Variants in MIDEAS observed in about 807,000 individuals in gnomAD.
MIDEAS encodes mitotic deacetylase-associated SANT domain protein.
Under a neutral mutation model 102.7 loss-of-function variants are expected in MIDEAS, and 26 were observed. The observed-to-expected ratio is 0.25, with a 90% CI of 0.19 to 0.35. MIDEAS has a LOEUF of 0.35. MIDEAS is among the 10% of genes least tolerant of loss of function. The pLI is 1.00. For synonymous variants in MIDEAS, 585 were observed against 591.0 expected (o/e 0.99, Z 0.15); for missense variants, 1,231 against 1,435.6 (o/e 0.86, Z 2.30).
chr14:73,745,404 C>G lies in MIDEAS; in HGVS notation c.-247-5149G>C, dbSNP rs115523790. 8.8e-4 allele frequency among the ~76,000 whole-genome samples: 134 copies of G among 152,324 alleles called. 1 individual carries two copies. Among genetic ancestry groups the G allele is most frequent in the African/African-American group, 3.0e-3 (126 of 41,580 alleles). ...CCCACCTAGACAGTGGCCAGGGACA[C>G]AAGCCTGTGGGTCTGTTTACCTCAT... On this transcript the variant is annotated intron_variant, in intron 1 of 12. Coordinates refer to ENST00000423556, the MANE Select transcript of MIDEAS (RefSeq NM_001367710.1).
chr14:73,722,074 C>G (rs187774644), intron 10 of MIDEAS, among the ~76,000 whole-genome samples: 166 of 152,320 alleles, frequency 1.1e-3, no homozygotes, highest in Non-Finnish European at 9.3e-4. Context: ...GCTAATGTGT[C>G]TTTTATACTT....
chr14:73,753,916 C>T (rs866778312), intron 1 of MIDEAS, among the ~76,000 whole-genome samples: 1 of 149,202 alleles, frequency 6.7e-6, no homozygotes, highest in Non-Finnish European at 1.5e-5. Context: ...GCTTCCAGGC[C>T]CAAAGGATGA....
chr14:73,747,194 C>T (rs2053363193), intron 1 of MIDEAS, among the ~76,000 whole-genome samples: 1 of 152,180 alleles, frequency 6.6e-6, no homozygotes, highest in Non-Finnish European at 1.5e-5. Context: ...CTTCAATTCC[C>T]TTCTGTTCCT....
intron 1 of MIDEAS, among the ~76,000 whole-genome samples, chr14:73,784,738 T>TTGTG (rs1200113223): frequency 6.6e-6 from 1 of 152,246 alleles, no homozygotes; most frequent in Non-Finnish European, 1.5e-5. Context: ...AAGAGGGTTG[T>TTGTG]GCAACCTGTG....
In MIDEAS at chr14:73,739,354, G is replaced by A; in HGVS notation, c.655C>T (p.Leu219=). The A allele has an allele frequency of 6.2e-7, 1 of 1,601,048 alleles. No homozygotes were observed. Among genetic ancestry groups the A allele is most frequent in the Non-Finnish European group, 8.5e-7 (1 of 1,172,236 alleles). Residue 219 remains leucine, a synonymous_variant, in exon 2 of 13, where the codon CTG becomes TTG. Coordinates refer to ENST00000423556, the MANE Select transcript of MIDEAS (RefSeq NM_001367710.1). ...NQSLPLQPFQ[L]AFGHQVNRQV... is the part of the protein sequence containing the mutation. ...CGGTTCACCTGGTGGCCGAATGCCA[G>A]CTGGAAGGGTTGCAGGGGCAGTGAC...
intron 1 of MIDEAS, among the ~76,000 whole-genome samples, chr14:73,774,036 A>G (rs1181598332): frequency 6.6e-6 from 1 of 151,352 alleles, no homozygotes; most frequent in Non-Finnish European, 1.5e-5. Flanking sequence ...AAAAAAAAAA[A>G]AAGAAAAAAG....
chr14:73,719,235 C>CCCCCCCGCCCCCCCCCCCCCCCCG, intron 12 of MIDEAS, 70 bp downstream of exon 12: 1 of 1,441,500 alleles, frequency 6.9e-7, no homozygotes. Flanking sequence ...CCCTCCCCTC[C>CCCCCCCGCCCCCCCCCCCCCCCCG]ACCCCACCCC....
chr14:73,731,585 C>A (rs1345698746), intron 3 of MIDEAS, among the ~76,000 whole-genome samples: 1 of 152,096 alleles, frequency 6.6e-6, no homozygotes, highest in Non-Finnish European at 1.5e-5. Context: ...GGGATTTAAA[C>A]TATTCTGAAT....
At chr14:73,756,305 CGT>C (rs1491561357) in intron 1 of MIDEAS, among the ~76,000 whole-genome samples, 3,450 of 99,164 alleles carry the variant, frequency 0.035, 131 homozygotes, top group African/African-American at 0.11. Flanking sequence ...TGCGCGCGCG[CGT>C]GCGCGCTGAG....
intron 10 of MIDEAS, 92 bp downstream of exon 10, chr14:73,722,606 G>T (rs1391809511): frequency 1.3e-6 from 2 of 1,482,910 alleles, no homozygotes; most frequent in South Asian, 1.3e-5. Context: ...CCCTCTGCAG[G>T]CTCCTGGAGA....
At chr14:73,730,539 A>G (rs972033473) in intron 3 of MIDEAS, among the ~76,000 whole-genome samples, 3 of 152,196 alleles carry the variant, frequency 2.0e-5, no homozygotes, top group African/African-American at 7.2e-5. Flanking sequence ...GAATTAATAC[A>G]AGGAAATCAC....
rs573309490 is a variant in MIDEAS, at chr14:73,774,187, C to A, written c.-248+12915G>T. ...CCACTATGAGGCACCATAAAGACAC[C>A]GCCTGCCAGGCTCCATTCACAGGAA... On this transcript the variant is annotated intron_variant, in intron 1 of 11. Coordinates refer to the MIDEAS transcript ENST00000394071. Among the ~76,000 whole-genome samples, 13 of 151,862 alleles carry A rather than the reference C, an allele frequency of 8.6e-5. 1 individual carries two copies. Among genetic ancestry groups the A allele is most frequent in the Admixed American group, 7.9e-4 (12 of 15,238 alleles).
chr14:73,722,993 C>G lies in MIDEAS; in HGVS notation c.2575-146G>C, dbSNP rs115585457. On this transcript the variant is annotated intron_variant, in intron 9 of 12. Coordinates refer to ENST00000423556, the MANE Select transcript of MIDEAS (RefSeq NM_001367710.1). ...AACCCAGGCAATACAAGCATTTTTC[C>G]AATGCCTGCTCTGCAACAAACCACT... is the stretch of plus-strand genomic sequence containing the variant. The G allele has an allele frequency of 1.5e-3, 1,199 of 794,486 alleles. 9 individuals carry two copies. The African/African-American group carries it at 0.019, about 13-fold the overall frequency. 49.2% of individuals were successfully genotyped at this position (794,486 alleles called of 1,614,324 possible). A position where few individuals can be genotyped will look rare whatever the true frequency, so the allele number is the denominator to read the frequency against.
intron 1 of MIDEAS, among the ~76,000 whole-genome samples, chr14:73,749,455 G>A (rs117097314): frequency 0.15 from 22,349 of 150,774 alleles, 2,018 homozygotes; most frequent in South Asian, 0.27. Context: ...AGGATTGCTC[G>A]GGCCCAGGAG....
At chr14:73,784,304 T>C (rs2053785971) in intron 1 of MIDEAS, among the ~76,000 whole-genome samples, 1 of 152,186 alleles carries the variant, frequency 6.6e-6, no homozygotes, top group South Asian at 2.1e-4. Context: ...TCTGTCTCTG[T>C]GTAACAACTT....
Position 73,718,740 on chromosome 14 carries a change from A to C in MIDEAS, c.*103T>G. On this transcript the variant is annotated 3_prime_UTR_variant, in exon 13 of 13. Coordinates refer to ENST00000423556, the MANE Select transcript of MIDEAS (RefSeq NM_001367710.1). ...TTGTTTCGCAGGGAAAAGTCCCTGC[A>C]ATCCTCTCCTCACTCCCTCTTGAGA... The C allele has an allele frequency of 8.4e-7, 1 of 1,190,256 alleles. No homozygotes were observed. The allele number at this position is 1,190,256 out of a possible 1,614,324, so 73.7% of individuals were successfully genotyped here. A position where few individuals can be genotyped will look rare whatever the true frequency, so the allele number is the denominator to read the frequency against.
intron 5 of MIDEAS, chr14:73,727,255 C>G: frequency 3.1e-6 from 2 of 646,032 alleles, no homozygotes; most frequent in South Asian, 3.8e-5. Context: ...TCAAGCTGAG[C>G]CGGTCCTTGC....
At chr14:73,719,269 C>A (rs2052947999) in intron 12 of MIDEAS, 36 bp downstream of exon 12, 3 of 1,600,256 alleles carry the variant, frequency 1.9e-6, no homozygotes, top group Admixed American at 3.4e-5. Context: ...CACCAGCCCG[C>A]GGGGGTCCCA....
At chr14:73,786,354 AAAG>A in intron 1 of MIDEAS, among the ~76,000 whole-genome samples, 1 of 152,322 alleles carries the variant, frequency 6.6e-6, no homozygotes, top group South Asian at 2.1e-4. Context: ...AGGAAACAGA[AAAG>A]AACGAGATGC....
Sources: allele counts gnomAD v4.1 joint callset (sites outside exome capture counted in the v4.1 genomes callset), GRCh38; gene constraint gnomAD v4.1.1; transcripts MANE v1.5; gene names NCBI Gene and HGNC (gene_info 2026-07-23, HGNC 2026-07-21).